AKAP7: variants seen among roughly 807,000 people sequenced by gnomAD.
AKAP7 encodes A-kinase anchoring protein 7.
Under a neutral mutation model 39.5 loss-of-function variants are expected in AKAP7, and 39 were observed. The observed-to-expected ratio is 0.99, with a 90% confidence interval of 0.76 to 1.29. The LOEUF is 1.29. Among genes scored for constraint, AKAP7 ranks in the 50% most tolerant of loss-of-function variants. The pLI is 0.00. For missense variants in AKAP7, 414 were observed against 407.7 expected, an observed-to-expected ratio of 1.02 and a Z score of -0.13; for synonymous variants, 140 against 139.1, an observed-to-expected ratio of 1.01 and a Z score of -0.05.
chr6:131,138,445 TC>T (rs1800764076), intron 1 of AKAP7, among the ~76,000 whole-genome samples: 1 of 152,258 alleles, frequency 6.6e-6, no homozygotes, highest in Non-Finnish European at 1.5e-5. Flanking sequence ...TAAGTTTTGT[TC>T]CACTTTTCCT....
intron 2 of AKAP7, among the ~76,000 whole-genome samples, chr6:131,148,938 G>T (rs939034058): frequency 6.6e-6 from 1 of 151,838 alleles, no homozygotes; most frequent in Non-Finnish European, 1.5e-5. Context: ...GATTCCTTCA[G>T]TTTTCTTTGA....
At chr6:131,155,434 C>T (rs1280016280) in intron 2 of AKAP7, among the ~76,000 whole-genome samples, 1 of 152,170 alleles carries the variant, frequency 6.6e-6, no homozygotes, top group Non-Finnish European at 1.5e-5. Context: ...TCTAAAGTAT[C>T]TATTATTAAA....
intron 7 of AKAP7, among the ~76,000 whole-genome samples, chr6:131,247,311 A>ATATATATG (rs1812104472): frequency 2.0e-5 from 1 of 50,548 alleles, no homozygotes; most frequent in Non-Finnish European, 3.7e-5. Flanking sequence ...ATATATATAT[A>ATATATATG]TATGTTTTTT....
chr6:131,130,289 T>C, the AKAP7 span, among the ~76,000 whole-genome samples: 1 of 152,168 alleles, frequency 6.6e-6, no homozygotes, highest in Non-Finnish European at 1.5e-5. Flanking sequence ...GAGTGTAATG[T>C]GTAGGGAGAA....
At chr6:131,207,417 T>C (rs1808211373) in intron 6 of AKAP7, among the ~76,000 whole-genome samples, 1 of 148,842 alleles carries the variant, frequency 6.7e-6, no homozygotes, top group Admixed American at 6.8e-5. Flanking sequence ...AATCCTGGGC[T>C]CAAATGATCC....
intron 3 of AKAP7, among the ~76,000 whole-genome samples, 170 bp from the exon 4 acceptor site, chr6:131,164,911 A>G (rs966065680): frequency 3.3e-5 from 5 of 152,246 alleles, no homozygotes; most frequent in African/African-American, 1.2e-4. Context: ...CCAGTCAACT[A>G]TCTGTTTGAG....
Position 131,282,125 on chromosome 6 carries a change from A to T in AKAP7, c.*399A>T. The T allele has an allele frequency of 8.5e-7, 1 of 1,173,546 alleles. No homozygotes were observed. The highest frequency in any genetic ancestry group is 1.6e-5 in the African/African-American group (1 of 63,134). 72.7% of individuals were successfully genotyped at this position (1,173,546 alleles called of 1,614,324 possible). On this transcript the variant is annotated 3_prime_UTR_variant, in exon 8 of 8. Coordinates refer to ENST00000431975, the MANE Select transcript of AKAP7 (RefSeq NM_016377.4). ...ATCTGAGGCCAGAACTCTCACACAC[A>T]GCTATCAAGTGCTAAGTTTAAAATA... is the stretch of plus-strand genomic sequence containing the variant.
chr6:131,258,494 G>A (rs1430302033), intron 7 of AKAP7, among the ~76,000 whole-genome samples: 1 of 152,146 alleles, frequency 6.6e-6, no homozygotes, highest in East Asian at 1.9e-4. Flanking sequence ...TCCCAGGCAG[G>A]ATTTACAACT....
At chr6:131,177,565 A>G (rs1804705471) in intron 5 of AKAP7, among the ~76,000 whole-genome samples, 2 of 152,202 alleles carry the variant, frequency 1.3e-5, no homozygotes, top group South Asian at 4.1e-4. Context: ...CTGTGACCCA[A>G]ACACCTCCCA....
At chr6:131,221,932 C>T (rs1809732884) in intron 7 of AKAP7, among the ~76,000 whole-genome samples, 1 of 152,198 alleles carries the variant, frequency 6.6e-6, no homozygotes, top group Non-Finnish European at 1.5e-5. Context: ...GTCCATTCTG[C>T]AGCTCATGGA....
chr6:131,142,284 C>G (rs202171037), intron 1 of AKAP7, among the ~76,000 whole-genome samples: 1 of 152,336 alleles, frequency 6.6e-6, no homozygotes, highest in South Asian at 2.1e-4. Context: ...GCAGCTTCTC[C>G]GATCACAGAC....
intron 7 of AKAP7, among the ~76,000 whole-genome samples, chr6:131,258,179 A>G (rs1813017578): frequency 6.6e-6 from 1 of 152,148 alleles, no homozygotes; most frequent in African/African-American, 2.4e-5. Context: ...ACTTCAATTA[A>G]TGTTGTTGAG....
rs9483230 is a variant in AKAP7 at position 131,221,397 on chromosome 6, A to G, written c.850+1589A>G. Among the ~76,000 whole-genome samples, 1,430 of 152,340 alleles carry G rather than the reference A, an allele frequency of 9.4e-3. 20 individuals carry two copies. The highest frequency in any genetic ancestry group is 0.031 in the African/African-American group (1,272 of 41,564). On this transcript the variant is annotated intron_variant, in intron 7 of 7. Coordinates refer to ENST00000431975, the MANE Select transcript of AKAP7 (RefSeq NM_016377.4). ...GGAGAGAAGCTGTCTCCATAACATAAAAGTGCACGGTGAAGCAGAACGTGC... is the reference window on the plus strand; with the variant it reads ...GGAGAGAAGCTGTCTCCATAACATAGAAGTGCACGGTGAAGCAGAACGTGC...
intron 5 of AKAP7, among the ~76,000 whole-genome samples, chr6:131,189,181 T>C (rs1389650550): frequency 6.6e-6 from 1 of 152,222 alleles, no homozygotes; most frequent in Non-Finnish European, 1.5e-5. Context: ...TCATACTGCA[T>C]ATTGCTATCT....
intron 7 of AKAP7, among the ~76,000 whole-genome samples, chr6:131,237,575 A>T (rs996400944): frequency 6.6e-6 from 1 of 151,882 alleles, no homozygotes; most frequent in African/African-American, 2.4e-5. Flanking sequence ...TTATTGCCTC[A>T]ATTTCAGAGC....
intron 5 of AKAP7, among the ~76,000 whole-genome samples, chr6:131,198,398 C>T (rs977001533): frequency 1.3e-5 from 2 of 152,108 alleles, no homozygotes; most frequent in African/African-American, 4.8e-5. Flanking sequence ...GTGAAGTTTA[C>T]CTTGTTGGAT....
intron 1 of AKAP7, chr6:131,136,819 G>T: frequency 1.0e-6 from 1 of 983,382 alleles, no homozygotes; most frequent in Non-Finnish European, 1.2e-6. Flanking sequence ...TGATTTCTAC[G>T]CAGCTGTCAA....
At chr6:131,223,691 A>G (rs1379657514) in intron 7 of AKAP7, among the ~76,000 whole-genome samples, 1 of 152,186 alleles carries the variant, frequency 6.6e-6, no homozygotes, top group Admixed American at 6.5e-5. Flanking sequence ...TGCCAACCTT[A>G]TAAGGTCTCT....
At chr6:131,270,942 T>C (rs1219573298) in intron 7 of AKAP7, among the ~76,000 whole-genome samples, 1 of 152,228 alleles carries the variant, frequency 6.6e-6, no homozygotes, top group Admixed American at 6.5e-5. Flanking sequence ...TGTTAAGTAG[T>C]AAGAGTTCTT....
Sources: allele counts gnomAD v4.1 joint callset (sites outside exome capture counted in the v4.1 genomes callset), GRCh38; gene constraint gnomAD v4.1.1; transcripts MANE v1.5; gene names NCBI Gene and HGNC (gene_info 2026-07-23, HGNC 2026-07-21).